Variants in KIF6 observed in about 807,000 individuals in gnomAD.
KIF6 encodes the protein kinesin family member 6.
A neutral mutation model predicts 112.7 loss-of-function variants in KIF6; 106 were observed. That is an observed-to-expected ratio of 0.94 (90% CI 0.80 to 1.11). The LOEUF (loss-of-function observed/expected upper bound fraction) is 1.11. KIF6 is among the 50% of genes least tolerant of loss of function. The pLI is 0.00. For missense variants in KIF6, 929 were observed against 964.0 expected (o/e 0.96, Z 0.48); for synonymous variants, 339 against 339.9 (o/e 1.00, Z 0.03).
chr6:39,633,119 G>A (rs968915297), intron 5 of KIF6, among the ~76,000 whole-genome samples: 1 of 151,750 alleles, frequency 6.6e-6, no homozygotes, highest in Admixed American at 6.6e-5. Context: ...TGGTTTAGTA[G>A]TGTCTCTACT....
At chr6:39,455,449 A>C (rs543718174) in intron 13 of KIF6, among the ~76,000 whole-genome samples, 215 of 152,056 alleles carry the variant, frequency 1.4e-3, no homozygotes, top group African/African-American at 5.0e-3. Flanking sequence ...TGGAAACTCT[A>C]AAACGCAGAG....
At chr6:39,558,271 G>A (rs1779829446) in intron 10 of KIF6, among the ~76,000 whole-genome samples, 1 of 152,022 alleles carries the variant, frequency 6.6e-6, no homozygotes, top group Non-Finnish European at 1.5e-5. Flanking sequence ...TTATGGTCCT[G>A]CTTACAGTGG....
intron 13 of KIF6, among the ~76,000 whole-genome samples, chr6:39,437,771 G>A (rs1385853947): frequency 3.9e-5 from 6 of 152,108 alleles, no homozygotes; most frequent in East Asian, 1.9e-4. Flanking sequence ...CATGTACGAC[G>A]GTGGTCCCAT....
At chr6:39,578,326 T>C (rs1194167936) in intron 9 of KIF6, among the ~76,000 whole-genome samples, 167 bp from the exon 10 acceptor site, 2 of 142,550 alleles carry the variant, frequency 1.4e-5, no homozygotes, top group Non-Finnish European at 3.0e-5. Context: ...AAAATAGTTC[T>C]AGATTTTTTT....
chr6:39,706,255 GATCA>G (rs1789203373), intron 3 of KIF6, among the ~76,000 whole-genome samples: 1 of 151,976 alleles, frequency 6.6e-6, no homozygotes. Flanking sequence ...GCAATTTCTT[GATCA>G]ATTATTCTTA....
At chr6:39,679,179 C>G (rs943169694) in intron 3 of KIF6, among the ~76,000 whole-genome samples, 18 of 152,188 alleles carry the variant, frequency 1.2e-4, no homozygotes, top group Non-Finnish European at 2.1e-4. Flanking sequence ...AGGAAGCCAT[C>G]ATTTAATTGG....
intron 13 of KIF6, among the ~76,000 whole-genome samples, chr6:39,456,686 C>A (rs1190749073): frequency 3.0e-4 from 29 of 96,292 alleles, no homozygotes; most frequent in African/African-American, 1.6e-3. Context: ...ATCTACCAAG[C>A]CAATGGAAAA....
At position 39,585,058 on chromosome 6, in the gene KIF6, T is replaced by C. The variant is rs1304797009; in HGVS notation, c.991-74A>G. 9 of 875,808 alleles carry C rather than the reference T, an allele frequency of 1.0e-5. No homozygotes were observed. In the South Asian group the frequency reaches 1.3e-4, roughly 13 times the overall value. The allele number at this position is 875,808 out of a possible 1,614,324, so 54.3% of individuals were successfully genotyped here. On this transcript the variant is annotated intron_variant, in intron 8 of 22. Transcript: ENST00000287152. ...TTCTTTCTAGATAAAACTTATCTTTTATTCACAGAAAAAAGATACACACCT... is the reference window on the plus strand; with the variant it reads ...TTCTTTCTAGATAAAACTTATCTTTCATTCACAGAAAAAAGATACACACCT...
intron 16 of KIF6, among the ~76,000 whole-genome samples, chr6:39,380,387 C>A (rs1352327021): frequency 2.0e-5 from 3 of 152,218 alleles, no homozygotes; most frequent in Non-Finnish European, 4.4e-5. Flanking sequence ...GTTCTCCTGT[C>A]CACTAAGTTT....
chr6:39,384,503 G>A (rs1460819263), intron 16 of KIF6, among the ~76,000 whole-genome samples: 1 of 152,248 alleles, frequency 6.6e-6, no homozygotes, highest in African/African-American at 2.4e-5. Flanking sequence ...ACAGTGGGAA[G>A]CTCAGAGCTC....
intron 7 of KIF6, among the ~76,000 whole-genome samples, chr6:39,594,779 C>T (rs968290214): frequency 2.0e-5 from 3 of 152,158 alleles, no homozygotes; most frequent in African/African-American, 7.2e-5. Flanking sequence ...GTTAACAAGT[C>T]CTTCTGCCTC....
chr6:39,693,603 A>G (rs1205919350), intron 3 of KIF6, among the ~76,000 whole-genome samples: 6 of 152,184 alleles, frequency 3.9e-5, no homozygotes, highest in Non-Finnish European at 7.3e-5. Context: ...ACAATCTCCC[A>G]AGACTGAAAC....
chr6:39,446,819 T>C (rs1033689050), intron 13 of KIF6, among the ~76,000 whole-genome samples: 2 of 152,192 alleles, frequency 1.3e-5, no homozygotes, highest in African/African-American at 4.8e-5. Context: ...ACGTTATTTG[T>C]TAAACTGTAC....
chr6:39,343,082 G>T lies in KIF6; in HGVS notation c.2428+627C>A, dbSNP rs2113896613. The T allele has an allele frequency of 2.0e-6, 2 of 985,430 alleles. No homozygotes were observed. The highest frequency in any genetic ancestry group is 2.3e-4 in the East Asian group (2 of 8,816). 61.0% of individuals were successfully genotyped at this position (985,430 alleles called of 1,614,324 possible). ...CCCTGTGGGTGTGTTGGGGATGGAA[G>T]GCAGAAAGAGAAAAGGCCCAGCCAC... is the stretch of plus-strand genomic sequence containing the variant. On this transcript the variant is annotated intron_variant, in intron 22 of 22. Transcript: ENST00000287152. The surrounding 1 kb of genome is among the most constrained non-coding windows in gnomAD (Gnocchi z 4.1).
chr6:39,529,719 G>A (rs758646162), intron 13 of KIF6, among the ~76,000 whole-genome samples: 40 of 152,210 alleles, frequency 2.6e-4, no homozygotes, highest in Admixed American at 6.5e-4. Flanking sequence ...CCCAGGAGGC[G>A]GAGCTTGCAG....
chr6:39,499,404 A>T (rs1316212506), intron 13 of KIF6, among the ~76,000 whole-genome samples: 1 of 152,068 alleles, frequency 6.6e-6, no homozygotes, highest in Non-Finnish European at 1.5e-5. Flanking sequence ...AAAAATATGA[A>T]GATAAGAAAG....
chr6:39,582,045 T>C (rs1252081566), intron 9 of KIF6, among the ~76,000 whole-genome samples: 1 of 152,150 alleles, frequency 6.6e-6, no homozygotes, highest in African/African-American at 2.4e-5. Flanking sequence ...TTTAAAAATA[T>C]TCTTAGGATC....
intron 17 of KIF6, among the ~76,000 whole-genome samples, chr6:39,361,872 A>G (rs1179717684): frequency 6.6e-6 from 1 of 152,160 alleles, no homozygotes; most frequent in Non-Finnish European, 1.5e-5. Context: ...TGAGGCAGGG[A>G]AGATGACTGT....
At chr6:39,364,244 G>T (rs763164793) in intron 16 of KIF6, among the ~76,000 whole-genome samples, 77 of 151,812 alleles carry the variant, frequency 5.1e-4, no homozygotes, top group Non-Finnish European at 9.6e-4. Flanking sequence ...TCCATCCCAG[G>T]GTGGTGTGGT....
Sources: allele counts gnomAD v4.1 joint callset (sites outside exome capture counted in the v4.1 genomes callset), GRCh38; gene constraint gnomAD v4.1.1; non-coding constraint Gnocchi (gnomAD v3.1); transcripts MANE v1.5; gene names NCBI Gene and HGNC (gene_info 2026-07-23, HGNC 2026-07-21).